Variants in KAZN observed in about 807,000 individuals in gnomAD.
The protein encoded by KAZN is kazrin, periplakin interacting protein.
A neutral mutation model predicts 87.4 loss-of-function variants in KAZN; 40 were observed. The ratio of observed to expected loss-of-function variants is 0.46; its 90% confidence interval spans 0.36 to 0.60. The LOEUF is 0.60. Among genes scored for constraint, KAZN ranks in the 20% least tolerant of loss-of-function variants. The probability of loss-of-function intolerance (pLI) is 0.00; values close to 1 mark genes in which losing one functional copy is unlikely to be tolerated. For missense variants in KAZN, 898 were observed against 1,073.9 expected, an observed-to-expected ratio of 0.84 and a Z score of 2.29; for synonymous variants, 466 against 458.3, an observed-to-expected ratio of 1.02 and a Z score of -0.22.
intron 1 of KAZN, among the ~76,000 whole-genome samples, chr1:14,152,192 T>C (rs563455278): frequency 9.6e-4 from 146 of 152,342 alleles, no homozygotes; most frequent in African/African-American, 3.1e-3. Flanking sequence ...ATTATACTCT[T>C]TGAATTATTG....
intron 1 of KAZN, among the ~76,000 whole-genome samples, chr1:14,118,539 C>T (rs1644679748): frequency 1.3e-5 from 2 of 152,264 alleles, no homozygotes; most frequent in South Asian, 4.1e-4. Context: ...AAAACAAAAC[C>T]CAAGGCCAGG....
At chr1:14,591,802 C>T (rs1676219586) in intron 2 of KAZN, among the ~76,000 whole-genome samples, 1 of 152,158 alleles carries the variant, frequency 6.6e-6, no homozygotes, top group African/African-American at 2.4e-5. Flanking sequence ...GGTGTGTGTG[C>T]ATGCACGCGC....
intron 10 of KAZN, among the ~76,000 whole-genome samples, chr1:15,097,919 T>G (rs1253954835): frequency 2.0e-5 from 3 of 152,208 alleles, no homozygotes; most frequent in Non-Finnish European, 4.4e-5. Flanking sequence ...CAGTGTCCCA[T>G]GCTGCCTTTG....
At chr1:13,967,957 G>T (rs140257605) in intron 1 of KAZN, among the ~76,000 whole-genome samples, 186 of 152,294 alleles carry the variant, frequency 1.2e-3, no homozygotes, top group African/African-American at 4.3e-3. Context: ...AGCTGCAGTG[G>T]GGACAGAAAC....
chr1:14,185,275 G>A (rs1646280287), intron 2 of KAZN, among the ~76,000 whole-genome samples: 1 of 152,138 alleles, frequency 6.6e-6, no homozygotes, highest in Admixed American at 6.5e-5. Context: ...TAGAACCAGG[G>A]AAAACAGGCA....
intron 1 of KAZN, among the ~76,000 whole-genome samples, chr1:14,683,620 A>C (rs1274587110): frequency 6.6e-6 from 1 of 152,234 alleles, no homozygotes; most frequent in Non-Finnish European, 1.5e-5. Context: ...CCCATTTATT[A>C]ACCTCATTAG....
chr1:14,863,062 C>CACTTCT (rs1553147380), intron 1 of KAZN, among the ~76,000 whole-genome samples: 3 of 151,486 alleles, frequency 2.0e-5, no homozygotes, highest in Non-Finnish European at 2.9e-5. Context: ...CAGGATGAGA[C>CACTTCT]GCTTCTGTAG....
chr1:15,091,440 G>C (rs898804355), intron 8 of KAZN, among the ~76,000 whole-genome samples: 1 of 152,188 alleles, frequency 6.6e-6, no homozygotes, highest in Non-Finnish European at 1.5e-5. Flanking sequence ...TGCCTCCCAG[G>C]TTCAAGTGAT....
At chr1:14,819,322 G>A (rs1483230770) in intron 1 of KAZN, among the ~76,000 whole-genome samples, 1 of 152,174 alleles carries the variant, frequency 6.6e-6, no homozygotes, top group Non-Finnish European at 1.5e-5. Flanking sequence ...GTTAATTTAC[G>A]TGTCAGCTTG....
intron 2 of KAZN, among the ~76,000 whole-genome samples, chr1:14,494,202 T>C (rs1407762503): frequency 6.6e-6 from 1 of 152,168 alleles, no homozygotes; most frequent in East Asian, 1.9e-4. Flanking sequence ...CCTGTCCCCA[T>C]AGATGATAGA....
chr1:14,603,277 T>C (rs1461963228), intron 1 of KAZN, among the ~76,000 whole-genome samples: 1 of 152,194 alleles, frequency 6.6e-6, no homozygotes, highest in Non-Finnish European at 1.5e-5. Flanking sequence ...TGGAACAAAA[T>C]GTTGGGGAAT....
intron 1 of KAZN, among the ~76,000 whole-genome samples, chr1:14,877,144 C>T (rs1164305807): frequency 1.3e-5 from 2 of 152,140 alleles, no homozygotes; most frequent in African/African-American, 4.8e-5. Flanking sequence ...GGGGTGTTCC[C>T]CGCACTCTCT....
chr1:14,682,662 A>G (rs917803390), intron 1 of KAZN, among the ~76,000 whole-genome samples: 1 of 152,130 alleles, frequency 6.6e-6, no homozygotes, highest in Non-Finnish European at 1.5e-5. Flanking sequence ...TATATTTTTA[A>G]TGGAAAAAAA....
chr1:15,099,558 G>T lies in KAZN; in HGVS notation c.1548-1985G>T, dbSNP rs1353853812. ...GCCGGGGAGGGGAATGGGGGGTGAA[G>T]AGCTCAGTGCCTCCAGGAAACGGCC... On this transcript the variant is annotated intron_variant, in intron 10 of 14. Coordinates refer to ENST00000376030, the MANE Select transcript of KAZN (RefSeq NM_201628.3). This position sits in a 1 kb window ranked among gnomAD's most constrained non-coding sequence, Gnocchi z 5.4. Among the ~76,000 whole-genome samples, 1 of 152,042 alleles carries T rather than the reference G, an allele frequency of 6.6e-6. No homozygotes were observed. The highest frequency in any genetic ancestry group is 2.4e-5 in the African/African-American group (1 of 41,370).
chr1:14,266,789 G>A (rs987929133), intron 2 of KAZN, among the ~76,000 whole-genome samples: 2 of 152,146 alleles, frequency 1.3e-5, no homozygotes, highest in African/African-American at 2.4e-5. Context: ...GGAGGAAACC[G>A]GAGGATGTGG....
intron 1 of KAZN, among the ~76,000 whole-genome samples, chr1:14,811,339 C>T (rs1646403692): frequency 6.6e-6 from 1 of 152,184 alleles, no homozygotes; most frequent in Admixed American, 6.5e-5. Flanking sequence ...CATTCAAACT[C>T]ACAAGTTGAT....
chr1:14,538,691 G>A (rs569860044), intron 2 of KAZN, among the ~76,000 whole-genome samples: 1 of 152,284 alleles, frequency 6.6e-6, no homozygotes, highest in East Asian at 1.9e-4. Context: ...ACATAGCAGA[G>A]GCCCTGATGC....
intron 1 of KAZN, among the ~76,000 whole-genome samples, chr1:14,925,251 C>T (rs1032093522): frequency 1.3e-5 from 2 of 152,176 alleles, no homozygotes; most frequent in Admixed American, 6.5e-5. Flanking sequence ...CCCCTTCCCC[C>T]CAAGTTAGGG....
At chr1:14,497,657 T>A (rs1402025419) in intron 2 of KAZN, among the ~76,000 whole-genome samples, 4 of 152,172 alleles carry the variant, frequency 2.6e-5, no homozygotes, top group African/African-American at 7.2e-5. Context: ...ACTTACCCAT[T>A]CAGCCTATGA....
Sources: gnomAD v4.1 joint callset for allele counts (sites outside exome capture counted in the v4.1 genomes callset) on GRCh38, gnomAD v4.1.1 for gene constraint, Gnocchi (gnomAD v3.1) non-coding constraint, MANE v1.5 for transcripts, NCBI Gene and HGNC (gene_info 2026-07-23, HGNC 2026-07-21) for gene names.